Variants in SUCLG1 observed in about 807,000 individuals in gnomAD.
SUCLG1 encodes succinate-CoA ligase GDP/ADP-forming subunit alpha.
Under a neutral mutation model 37.3 loss-of-function variants are expected in SUCLG1, and 26 were observed. The ratio of observed to expected loss-of-function variants is 0.70; its 90% CI spans 0.51 to 0.97. The LOEUF (loss-of-function observed/expected upper bound fraction) is 0.97, where lower values mean the gene tolerates loss of function less well. Among genes scored for constraint, SUCLG1 ranks in the 50% least tolerant of loss-of-function variants. SUCLG1 has a pLI of 0.00. For synonymous variants in SUCLG1, 163 were observed against 155.6 expected (o/e 1.05, Z -0.36); for missense variants, 433 against 432.9 (o/e 1.00, Z 0.00).
chr2:84,451,535 A>C (rs1672942216), intron 1 of SUCLG1, among the ~76,000 whole-genome samples: 1 of 152,238 alleles, frequency 6.6e-6, no homozygotes, highest in Non-Finnish European at 1.5e-5. Flanking sequence ...CCTAAAGCAC[A>C]GCTCCAATAA....
chr2:84,456,427 A>G (rs1673021506), intron 1 of SUCLG1, among the ~76,000 whole-genome samples: 1 of 152,194 alleles, frequency 6.6e-6, no homozygotes, highest in Non-Finnish European at 1.5e-5. Flanking sequence ...TCTGGCATTA[A>G]AATACCAAAA....
At chr2:84,431,398 A>C in intron 7 of SUCLG1, 110 bp downstream of exon 7, 2 of 1,444,994 alleles carry the variant, frequency 1.4e-6, no homozygotes, top group Non-Finnish European at 9.6e-7. Flanking sequence ...AGAAAGTTTT[A>C]TCTTTCATGT....
chr2:84,428,429 T>C (rs898931048), intron 7 of SUCLG1, among the ~76,000 whole-genome samples: 1 of 152,176 alleles, frequency 6.6e-6, no homozygotes, highest in Non-Finnish European at 1.5e-5. Flanking sequence ...GTAGTACCTA[T>C]GGTATAGAAT....
At chr2:84,436,345 T>TA (rs750406269) in intron 5 of SUCLG1, among the ~76,000 whole-genome samples, 5 of 152,248 alleles carry the variant, frequency 3.3e-5, no homozygotes, top group Non-Finnish European at 5.9e-5. Flanking sequence ...AAAGCTGATC[T>TA]AAAATACTGA....
Position 84,443,410 on chromosome 2 carries a change from A to C in SUCLG1, c.202-10T>G. 1 of 1,613,316 alleles carries C rather than the reference A, an allele frequency of 6.2e-7. No individual in the cohort carries two copies. The highest frequency in any genetic ancestry group is 8.5e-7 in the Non-Finnish European group (1 of 1,179,246). On this transcript the variant is annotated splice_polypyrimidine_tract_variant and intron_variant, in intron 2 of 8. Transcript: ENST00000393868. ...GGCTGTGAAAGGTGCCCTGAGGGGA[A>C]AAAGCACAAGATCCATGAGAAACAG... is the stretch of plus-strand genomic sequence containing the variant.
chr2:84,449,552 C>T, intron 2 of SUCLG1, 97 bp downstream of exon 2: 1 of 849,666 alleles, frequency 1.2e-6, no homozygotes, highest in Non-Finnish European at 1.8e-6. Context: ...TTTTCTGCAA[C>T]AATCATGTGT....
At chr2:84,429,606 G>GC (rs1672586941) in intron 7 of SUCLG1, among the ~76,000 whole-genome samples, 2 of 152,080 alleles carry the variant, frequency 1.3e-5, no homozygotes, top group Non-Finnish European at 2.9e-5. Context: ...ACAAGCAAAG[G>GC]CAAGTGAGAA....
chr2:84,457,780 T>G (rs1006933762), intron 1 of SUCLG1, among the ~76,000 whole-genome samples: 1 of 152,156 alleles, frequency 6.6e-6, no homozygotes, highest in South Asian at 2.1e-4. Context: ...TTCTTGGTGC[T>G]CAAACTTTAT....
chr2:84,427,829 A>G (rs1672557355), intron 7 of SUCLG1, among the ~76,000 whole-genome samples: 1 of 152,216 alleles, frequency 6.6e-6, no homozygotes. Flanking sequence ...TTTACTTCCC[A>G]TTTTATCACA....
At chr2:84,440,765 T>C (rs1672755908) in intron 5 of SUCLG1, among the ~76,000 whole-genome samples, 1 of 152,188 alleles carries the variant, frequency 6.6e-6, no homozygotes, top group South Asian at 2.1e-4. Context: ...ACTACTGATA[T>C]ATGCAAACAC....
At chr2:84,458,861 C>T (rs1673088021) in intron 1 of SUCLG1, among the ~76,000 whole-genome samples, 1 of 152,190 alleles carries the variant, frequency 6.6e-6, no homozygotes. Context: ...TAGACGCCAC[C>T]CCCATCCTGT....
intron 6 of SUCLG1, 85 bp from the exon 7 acceptor site, chr2:84,431,744 T>C (rs1175221636): frequency 2.9e-6 from 4 of 1,396,638 alleles, no homozygotes; most frequent in South Asian, 1.2e-5. Flanking sequence ...AACTAGTTTG[T>C]CATTTTTCTT....
At chr2:84,434,478 G>A (rs1318258629) in intron 5 of SUCLG1, among the ~76,000 whole-genome samples, 1 of 152,102 alleles carries the variant, frequency 6.6e-6, no homozygotes, top group Non-Finnish European at 1.5e-5. Context: ...AGCCAGTGGG[G>A]GCCAGGGAGG....
At chr2:84,425,282 C>T (rs1573361153) in intron 8 of SUCLG1, 133 bp downstream of exon 8, 3 of 1,003,286 alleles carry the variant, frequency 3.0e-6, no homozygotes, top group South Asian at 2.7e-5. Flanking sequence ...AGAGTTGATA[C>T]AAACTATTAA....
At position 84,457,283 on chromosome 2, in the gene SUCLG1, A is replaced by C. The variant is rs1673037476; in HGVS notation, c.97+1890T>G. Among the ~76,000 whole-genome samples the C allele has an allele frequency of 2.0e-5, 3 of 152,158 alleles. No homozygotes were observed. In the South Asian group the frequency reaches 6.2e-4, roughly 31 times the overall value. On this transcript the variant is annotated intron_variant, in intron 1 of 8. Coordinates refer to ENST00000393868, the MANE Select transcript of SUCLG1 (RefSeq NM_003849.4). The stretch of plus-strand genomic sequence containing the variant: ...GGGAAAGAGGAGTTAGAGTTTTGTG[A>C]ATTTAGAGGTGTTTACACATTAAGC...
chr2:84,449,733 C>A lies in SUCLG1; in HGVS notation c.117G>T (p.Arg39=). The A allele has an allele frequency of 6.5e-7, 1 of 1,543,088 alleles. No individual in the cohort carries two copies. The highest frequency in any genetic ancestry group is 1.8e-5 in the Admixed American group (1 of 55,010). ...RSFLLPQNGI[R]HCSYTASRQH... is the part of the protein sequence containing the mutation. ...GCCGAGAAGCTGTGTAGGAACAATG[C>A]CGAATTCCATTCTGCGGCACTAAGA... The change falls in exon 2 of 9, where the codon CGG becomes CGT. Residue 39 remains arginine (R), a synonymous_variant. Transcript: ENST00000393868.
intron 3 of SUCLG1, 42 bp from the exon 4 acceptor site, chr2:84,441,501 A>G (rs1228074329): frequency 1.3e-6 from 2 of 1,582,592 alleles, no homozygotes; most frequent in Non-Finnish European, 1.7e-6. Context: ...TTGTTAAATC[A>G]TAAACATTGT....
intron 5 of SUCLG1, among the ~76,000 whole-genome samples, chr2:84,438,171 T>C (rs1672716243): frequency 6.6e-6 from 1 of 152,222 alleles, no homozygotes; most frequent in East Asian, 1.9e-4. Context: ...TTTATGAAAT[T>C]ATACTACAGT....
chr2:84,433,421 A>G lies in SUCLG1; in HGVS notation c.604T>C (p.Ser202Pro), dbSNP rs779491525. 1.2e-6 allele frequency: 2 copies of G among 1,613,860 alleles called. No individual in the cohort carries two copies. Among genetic ancestry groups the G allele is most frequent in the Non-Finnish European group, 1.7e-6 (2 of 1,179,834 alleles). The change falls in exon 6 of 9, where the codon TCT becomes CCT. Residue 202 changes from serine to proline, a missense_variant. Ser to Pro is a moderately conservative substitution (Grantham distance 74, BLOSUM62 -1). Coordinates refer to ENST00000393868, the MANE Select transcript of SUCLG1 (RefSeq NM_003849.4). The stretch of plus-strand genomic sequence containing the variant: ...ACTGCTTCATAAGTCAGGGTGCCAG[A>G]TCTGGACACAATGCCTTAACGAAAG... ...KKGRIGIVSR[S>P]GTLTYEAVHQ...
Sources: gnomAD v4.1 joint callset for allele counts (sites outside exome capture counted in the v4.1 genomes callset) on GRCh38, gnomAD v4.1.1 for gene constraint, MANE v1.5 for transcripts, NCBI Gene and HGNC (gene_info 2026-07-23, HGNC 2026-07-21) for gene names.